FHIT: variants seen among roughly 807,000 people sequenced by gnomAD.
FHIT encodes the protein bis(5'-adenosyl)-triphosphatase.
A neutral mutation model predicts 17.9 loss-of-function variants in FHIT; 19 were observed. The ratio of observed to expected loss-of-function variants is 1.06; its 90% CI spans 0.74 to 1.56. The LOEUF (loss-of-function observed/expected upper bound fraction) is 1.56, where lower values mean the gene tolerates loss of function less well. Among genes scored for constraint, FHIT ranks in the 40% most tolerant of loss-of-function variants. The pLI, the probability that FHIT is intolerant of heterozygous loss-of-function variation, is 0.00. For synonymous variants in FHIT, 81 were observed against 69.7 expected (o/e 1.16, Z -0.81); for missense variants, 248 against 189.2 (o/e 1.31, Z -1.82).
intron 3 of FHIT, among the ~76,000 whole-genome samples, chr3:60,906,915 C>A (rs1706457714): frequency 6.6e-6 from 1 of 152,102 alleles, no homozygotes; most frequent in African/African-American, 2.4e-5. Context: ...GTTCTGATTA[C>A]ACTGATGGTC....
At chr3:60,406,016 A>T (rs1576606614) in intron 5 of FHIT, among the ~76,000 whole-genome samples, 2 of 152,184 alleles carry the variant, frequency 1.3e-5, no homozygotes, top group South Asian at 4.1e-4. Flanking sequence ...CCTGGCACAT[A>T]ACTGCTCAAT....
At chr3:60,156,298 C>T (rs1017564016) in intron 5 of FHIT, among the ~76,000 whole-genome samples, 17 of 150,068 alleles carry the variant, frequency 1.1e-4, no homozygotes, top group African/African-American at 3.2e-4. Flanking sequence ...TGCAGTGAGC[C>T]GAGATTGTGC....
chr3:60,249,256 A>G (rs751826954), intron 5 of FHIT, among the ~76,000 whole-genome samples: 1 of 152,120 alleles, frequency 6.6e-6, no homozygotes, highest in African/African-American at 2.4e-5. Context: ...CACAATTTTT[A>G]TAAACAAAAG....
chr3:60,261,375 C>T (rs755852314), intron 5 of FHIT, among the ~76,000 whole-genome samples: 9 of 151,886 alleles, frequency 5.9e-5, no homozygotes, highest in African/African-American at 1.5e-4. Flanking sequence ...TCGCAAGGAA[C>T]GTATTAATTT....
At chr3:61,040,830 T>C (rs980936583) in intron 3 of FHIT, among the ~76,000 whole-genome samples, 24 of 152,192 alleles carry the variant, frequency 1.6e-4, no homozygotes, top group Non-Finnish European at 4.4e-5. Flanking sequence ...ATTCCCCCGA[T>C]GGAAACTCTT....
chr3:60,237,768 T>C (rs1320501932), intron 5 of FHIT, among the ~76,000 whole-genome samples: 1 of 152,160 alleles, frequency 6.6e-6, no homozygotes, highest in Non-Finnish European at 1.5e-5. Context: ...CTACCTATTA[T>C]TTTAGGAAAA....
intron 3 of FHIT, among the ~76,000 whole-genome samples, chr3:60,830,820 T>TCACA (rs1268189470): frequency 6.6e-6 from 1 of 151,532 alleles, no homozygotes; most frequent in Non-Finnish European, 1.5e-5. Flanking sequence ...GCAATCCAAT[T>TCACA]CACACACACA....
At chr3:60,112,865 A>G (rs1704738427) in intron 5 of FHIT, among the ~76,000 whole-genome samples, 2 of 152,194 alleles carry the variant, frequency 1.3e-5, no homozygotes, top group African/African-American at 2.4e-5. Context: ...TTTCCTGGCT[A>G]TGGCATAGAA....
intron 5 of FHIT, among the ~76,000 whole-genome samples, chr3:60,109,681 G>T (rs1246151162): frequency 6.6e-6 from 1 of 152,144 alleles, no homozygotes; most frequent in Non-Finnish European, 1.5e-5. Flanking sequence ...GTATCCTATA[G>T]TACTGAGACT....
intron 5 of FHIT, among the ~76,000 whole-genome samples, chr3:60,081,895 C>T (rs1220866084): frequency 6.9e-6 from 1 of 144,026 alleles, no homozygotes; most frequent in Non-Finnish European, 1.5e-5. Flanking sequence ...GTACAATAAC[C>T]ACAAACGTTA....
chr3:60,317,773 G>A (rs1355714310), intron 5 of FHIT, among the ~76,000 whole-genome samples: 1 of 139,702 alleles, frequency 7.2e-6, no homozygotes, highest in Non-Finnish European at 1.5e-5. Context: ...ATTCCATTCT[G>A]GGCAAGTTTT....
At chr3:61,084,781 T>C (rs6445190) in intron 2 of FHIT, among the ~76,000 whole-genome samples, 90,300 of 151,904 alleles carry the variant, frequency 0.59, 27,847 homozygotes, top group Middle Eastern at 0.7. Context: ...TTAGAACACT[T>C]CTATCAATCC....
At chr3:60,719,420 A>C (rs2041760194) in intron 4 of FHIT, among the ~76,000 whole-genome samples, 1 of 152,134 alleles carries the variant, frequency 6.6e-6, no homozygotes, top group Non-Finnish European at 1.5e-5. Flanking sequence ...GGTAAATGCA[A>C]ATTTCTTAGC....
intron 5 of FHIT, among the ~76,000 whole-genome samples, chr3:60,418,972 G>T (rs58118091): frequency 0.23 from 35,243 of 152,050 alleles, 4,467 homozygotes; most frequent in Non-Finnish European, 0.29. Context: ...CAAGCAATCT[G>T]GTTCTGCCTT....
chr3:61,173,709 A>G (rs1330753874), intron 2 of FHIT, among the ~76,000 whole-genome samples: 1 of 152,246 alleles, frequency 6.6e-6, no homozygotes, highest in Non-Finnish European at 1.5e-5. Context: ...AAATTGAGGG[A>G]TAAATTTAAC....
chr3:59,940,287 A>T (rs896559612), intron 7 of FHIT, among the ~76,000 whole-genome samples: 1 of 152,094 alleles, frequency 6.6e-6, no homozygotes, highest in African/African-American at 2.4e-5. Flanking sequence ...TTAACCACAA[A>T]ATCTGTGCTA....
intron 5 of FHIT, among the ~76,000 whole-genome samples, chr3:60,195,546 G>GATATAT (rs1223456537): frequency 5.3e-5 from 1 of 18,888 alleles, no homozygotes; most frequent in Non-Finnish European, 8.2e-5. Context: ...AGGAAAATGT[G>GATATAT]ATATATATAT....
chr3:60,243,002 A>T (rs757064820), intron 5 of FHIT, among the ~76,000 whole-genome samples: 1 of 151,888 alleles, frequency 6.6e-6, no homozygotes, highest in African/African-American at 2.4e-5. Context: ...CAAGTGAACC[A>T]CAATGGCCTT....
chr3:60,715,902 C>G (rs556735166), intron 4 of FHIT, among the ~76,000 whole-genome samples: 1 of 152,128 alleles, frequency 6.6e-6, no homozygotes, highest in Non-Finnish European at 1.5e-5. Context: ...GGAAGGATCT[C>G]AGGGATCACC....
Sources: allele counts gnomAD v4.1 joint callset (sites outside exome capture counted in the v4.1 genomes callset), GRCh38; gene constraint gnomAD v4.1.1; transcripts MANE v1.5; gene names NCBI Gene and HGNC (gene_info 2026-07-23, HGNC 2026-07-21).